POLR2F: variants seen among roughly 807,000 people sequenced by gnomAD.
POLR2F encodes the protein RNA polymerase II, I and III subunit F.
In POLR2F, 12 loss-of-function variants were observed where a neutral mutation model predicts 22.7. The observed-to-expected ratio is 0.53, with a 90% CI of 0.34 to 0.86. The LOEUF (loss-of-function observed/expected upper bound fraction) is 0.86. Ranked by LOEUF, POLR2F falls within the 40% of genes least tolerant of loss-of-function variation. POLR2F has a pLI of 0.02. For missense variants in POLR2F, 126 were observed against 171.5 expected, an observed-to-expected ratio of 0.73 and a Z score of 1.48; for synonymous variants, 57 against 66.0, an observed-to-expected ratio of 0.86 and a Z score of 0.66.
chr22:37,958,794 A>G (rs1414997408), intron 2 of POLR2F, among the ~76,000 whole-genome samples: 1 of 152,174 alleles, frequency 6.6e-6, no homozygotes, highest in Admixed American at 6.5e-5. Context: ...CCTTTAGACC[A>G]TTAATTGAGA....
chr22:37,985,987 T>G (rs1932561098), upstream of POLR2F: 11 of 1,184,800 alleles, frequency 9.3e-6, no homozygotes, highest in Non-Finnish European at 1.2e-5. Context: ...CCAGTTTTCC[T>G]CGACGCCACC....
At chr22:37,963,550 CTAGCCACATTTCAAGTGTGTTCAG>C (rs1279926003) in intron 3 of POLR2F, among the ~76,000 whole-genome samples, 1 of 152,162 alleles carries the variant, frequency 6.6e-6, no homozygotes, top group Non-Finnish European at 1.5e-5. Flanking sequence ...GGGATTACAA[CTAGCCACATTTCAAGTGTGTTCAG>C]TAGCCACATG....
At chr22:37,963,525 A>C (rs1284941191) in intron 3 of POLR2F, among the ~76,000 whole-genome samples, 1 of 151,998 alleles carries the variant, frequency 6.6e-6, no homozygotes, top group African/African-American at 2.4e-5. Flanking sequence ...CCCCTGCTTC[A>C]GCCTCCAAAG....
rs1217920271 is a variant in POLR2F, at chr22:37,980,058, G to T, written c.293+12888G>T. Among the ~76,000 whole-genome samples the T allele has an allele frequency of 5.3e-5, 8 of 152,042 alleles. No individual in the cohort carries two copies. The highest frequency in any genetic ancestry group is 1.9e-4 in the African/African-American group (8 of 41,390). ...CCTCCCTGTCTACTCCCCCCACCCC[G>T]GCCCTGAGCCCAGCCCTAGCCCCAG... On this transcript the variant is annotated intron_variant, in intron 4 of 4. Coordinates refer to the POLR2F transcript ENST00000405557. The surrounding 1 kb of genome is among the most constrained non-coding windows in gnomAD (Gnocchi z 4.1).
chr22:37,962,849 C>T (rs1931702460), intron 3 of POLR2F, among the ~76,000 whole-genome samples: 2 of 152,086 alleles, frequency 1.3e-5, no homozygotes, highest in Admixed American at 6.5e-5. Context: ...TGCCACCACG[C>T]CCGGCTAATT....
At chr22:37,953,694 A>AC, upstream of POLR2F, 1 of 1,473,176 alleles carries the variant, frequency 6.8e-7, no homozygotes, top group Non-Finnish European at 9.2e-7. Flanking sequence ...GCGCAGGCGC[A>AC]AGATAAGCTA....
chr22:38,035,790 A>T (rs977252517), intron 5 of POLR2F, among the ~76,000 whole-genome samples: 2 of 152,072 alleles, frequency 1.3e-5, no homozygotes, highest in African/African-American at 4.8e-5. Context: ...GCCCCTTCCC[A>T]GCTGGGTGAC....
chr22:38,004,134 A>T (rs1251552877), intron 1 of POLR2F, among the ~76,000 whole-genome samples: 1 of 151,744 alleles, frequency 6.6e-6, no homozygotes, highest in African/African-American at 2.4e-5. Flanking sequence ...GACTACAGGA[A>T]TGCACCTCTG....
At chr22:38,011,275 A>T (rs1213403411) in intron 1 of POLR2F, among the ~76,000 whole-genome samples, 1 of 145,066 alleles carries the variant, frequency 6.9e-6, no homozygotes, top group Non-Finnish European at 1.5e-5. Context: ...TAATTTTTGT[A>T]TTTTTTTTTT....
chr22:38,026,319 G>T (rs2085010003), exon 3 of POLR2F: 1 of 531,786 alleles, frequency 1.9e-6, no homozygotes, highest in South Asian at 1.4e-5. Context: ...GAGAACAGAT[G>T]AAAGAGGCCA....
chr22:37,967,383 T>C (rs1931897992), intron 4 of POLR2F: 1 of 1,438,622 alleles, frequency 7.0e-7, no homozygotes, highest in African/African-American at 1.4e-5. Flanking sequence ...GTCTTCTGGC[T>C]GTTGGAATTT....
downstream of POLR2F, among the ~76,000 whole-genome samples, chr22:38,029,736 G>A (rs1269681631): frequency 1.3e-5 from 2 of 152,172 alleles, no homozygotes; most frequent in Non-Finnish European, 2.9e-5. Context: ...GCAAGCTAGG[G>A]AAGGCAGGGG....
At position 37,956,401 on chromosome 22, in the gene POLR2F, A is replaced by ATT. The variant is rs71195074; in HGVS notation, c.21-359_21-358dup. Among the ~76,000 whole-genome samples, 465 of 143,108 alleles carry ATT rather than the reference A, an allele frequency of 3.2e-3. 3 individuals carry two copies. Among genetic ancestry groups the ATT allele is most frequent in the African/African-American group, 0.011 (436 of 39,002 alleles). 93.9% of individuals were successfully genotyped at this position (143,108 alleles called of 152,430 possible). A position where few individuals can be genotyped will look rare whatever the true frequency, so the allele number is the denominator to read the frequency against. ...CAAAGCCACCATGCCCGGCCTCTGA[A>ATT]TTTTTTTTTTTTTTAATTTTTCTTA... On this transcript the variant is annotated intron_variant, in intron 1 of 4. Transcript: ENST00000442738.
chr22:38,037,021 C>T (rs574423395), intron 5 of POLR2F, among the ~76,000 whole-genome samples: 1 of 152,232 alleles, frequency 6.6e-6, no homozygotes, highest in East Asian at 1.9e-4. Flanking sequence ...TCACGTTTAC[C>T]CTGCTTTGTT....
intron 1 of POLR2F, chr22:37,988,656 A>C (rs1444168773): frequency 6.5e-6 from 1 of 154,290 alleles, no homozygotes; most frequent in Admixed American, 6.5e-5. Flanking sequence ...GTCTCATAAA[A>C]ACAAACAACA....
At chr22:37,976,580 A>G (rs1035934750) in intron 4 of POLR2F, among the ~76,000 whole-genome samples, 2 of 152,172 alleles carry the variant, frequency 1.3e-5, no homozygotes, top group African/African-American at 4.8e-5. Flanking sequence ...CTTTCTGTAC[A>G]TTAGGAACAC....
At chr22:37,992,646 G>A (rs970915923) in intron 1 of POLR2F, among the ~76,000 whole-genome samples, 4 of 152,100 alleles carry the variant, frequency 2.6e-5, no homozygotes, top group African/African-American at 7.2e-5. Context: ...TGATTCGCCC[G>A]CCTCGGCCTC....
chr22:38,007,953 A>C (rs1041242707), intron 1 of POLR2F, among the ~76,000 whole-genome samples: 1 of 152,154 alleles, frequency 6.6e-6, no homozygotes, highest in Non-Finnish European at 1.5e-5. Flanking sequence ...GCTTTACAAT[A>C]AACTCGCTGG....
At chr22:38,040,819 G>T in intron 5 of POLR2F, 1 of 549,992 alleles carries the variant, frequency 1.8e-6, no homozygotes, top group Non-Finnish European at 3.2e-6. Context: ...ATGGCAGTTT[G>T]GGCTTGCTGT....
Sources: allele counts gnomAD v4.1 joint callset (sites outside exome capture counted in the v4.1 genomes callset), GRCh38; gene constraint gnomAD v4.1.1; non-coding constraint Gnocchi (gnomAD v3.1); transcripts MANE v1.5; gene names NCBI Gene and HGNC (gene_info 2026-07-23, HGNC 2026-07-21).